PEMT: variants seen among roughly 807,000 people sequenced by gnomAD.
PEMT encodes phosphatidylethanolamine N-methyltransferase, also known as phospholipid methyltransferase.
Under a neutral mutation model 27.4 loss-of-function variants are expected in PEMT, and 23 were observed. That is an observed-to-expected ratio of 0.84 (90% CI 0.60 to 1.19). The LOEUF (loss-of-function observed/expected upper bound fraction) is 1.19. Ranked by LOEUF, PEMT falls within the 50% of genes most tolerant of loss-of-function variation. PEMT has a pLI of 0.00. For synonymous variants in PEMT, 137 were observed against 139.1 expected, an observed-to-expected ratio of 0.98 and a Z score of 0.11; for missense variants, 307 against 310.1, an observed-to-expected ratio of 0.99 and a Z score of 0.07.
chr17:17,523,142 C>A lies in PEMT; in HGVS notation c.205-747G>T, dbSNP rs1172941671. Among the ~76,000 whole-genome samples, 1 of 152,016 alleles carries A rather than the reference C, an allele frequency of 6.6e-6. No individual in the cohort carries two copies. Among genetic ancestry groups the A allele is most frequent in the African/African-American group, 2.4e-5 (1 of 41,368 alleles). On this transcript the variant is annotated intron_variant, in intron 2 of 6. Coordinates refer to ENST00000255389, the MANE Select transcript of PEMT (RefSeq NM_148172.3). The surrounding 1 kb of genome is among the most constrained non-coding windows in gnomAD (Gnocchi z 4.8). ...CTGGCCCAGCACACTGAGGAAGGAACGGAGAGGAGGGGAGGGGGCAAGGAG... is the reference window on the plus strand; with the variant it reads ...CTGGCCCAGCACACTGAGGAAGGAAAGGAGAGGAGGGGAGGGGGCAAGGAG...
At chr17:17,521,787 G>A (rs1020284931) in intron 3 of PEMT, among the ~76,000 whole-genome samples, 5 of 152,040 alleles carry the variant, frequency 3.3e-5, no homozygotes, top group African/African-American at 4.8e-5. Flanking sequence ...GGGTGGTCTC[G>A]AACTCCTAAC....
intron 3 of PEMT, among the ~76,000 whole-genome samples, chr17:17,520,759 G>T (rs1247853906): frequency 6.6e-6 from 1 of 152,264 alleles, no homozygotes; most frequent in African/African-American, 2.4e-5. Flanking sequence ...CAGGCCTAGA[G>T]AAAGCAGGCA....
Position 17,591,512 on chromosome 17 carries a change from G to C in PEMT, c.96+19C>G. On this transcript the variant is annotated intron_variant, in intron 1 of 6. Transcript: ENST00000255389. Reference sequence around the variant, plus strand: ...AGATCCCTCTCCCAGTTTCCGCGGCGGTCCGGTGCGGTCAGTACCTGTCTA... The same window carrying C: ...AGATCCCTCTCCCAGTTTCCGCGGCCGTCCGGTGCGGTCAGTACCTGTCTA... 1.3e-6 allele frequency: 2 copies of C among 1,585,458 alleles called. No individual in the cohort carries two copies. The highest frequency in any genetic ancestry group is 1.7e-6 in the Non-Finnish European group (2 of 1,157,248).
chr17:17,544,017 C>T (rs1189181062), intron 2 of PEMT, among the ~76,000 whole-genome samples: 5 of 152,152 alleles, frequency 3.3e-5, no homozygotes, highest in African/African-American at 9.7e-5. Flanking sequence ...CCTTGCTAGA[C>T]GTCTTAATGC....
intron 2 of PEMT, among the ~76,000 whole-genome samples, chr17:17,544,493 C>T (rs893624746): frequency 1.3e-5 from 2 of 152,042 alleles, no homozygotes; most frequent in Non-Finnish European, 2.9e-5. Context: ...GTTGGCCAGG[C>T]TGGTCTTGAA....
chr17:17,534,837 C>T (rs1001831410), intron 2 of PEMT, among the ~76,000 whole-genome samples: 14 of 152,168 alleles, frequency 9.2e-5, no homozygotes, highest in Non-Finnish European at 8.8e-5. Flanking sequence ...AAAGGCAACT[C>T]AAATTGTATG....
At chr17:17,522,211 G>A (rs373230584) in intron 3 of PEMT, 69 bp downstream of exon 3, 1 of 1,135,770 alleles carries the variant, frequency 8.8e-7, no homozygotes, top group East Asian at 2.4e-5. Flanking sequence ...TGAGGGATGA[G>A]GTACCACCAG....
rs1597937055 is a variant in PEMT at position 17,561,848 on chromosome 17, C to A, written c.204+15072G>T. Among the ~76,000 whole-genome samples the A allele has an allele frequency of 6.6e-6, 1 of 152,236 alleles. No homozygotes were observed. Among genetic ancestry groups the A allele is most frequent in the African/African-American group, 2.4e-5 (1 of 41,470 alleles). ...GTGGCTACCTCACGCGGACGCCCCA[C>A]GTGCGGCCTGACCCACAGGAAGTCC... On this transcript the variant is annotated intron_variant, in intron 2 of 6. Coordinates refer to ENST00000255389, the MANE Select transcript of PEMT (RefSeq NM_148172.3). This position sits in a 1 kb window ranked among gnomAD's most constrained non-coding sequence, Gnocchi z 4.5.
At chr17:17,509,677 G>T (rs777176568) in intron 4 of PEMT, 132 bp from the exon 5 acceptor site, 24 of 686,026 alleles carry the variant, frequency 3.5e-5, no homozygotes, top group Non-Finnish European at 5.5e-5. Flanking sequence ...GGAGACTTCA[G>T]AGAGTTCAAC....
chr17:17,586,623 C>T (rs767062938), intron 1 of PEMT, among the ~76,000 whole-genome samples: 21 of 152,130 alleles, frequency 1.4e-4, no homozygotes, highest in Non-Finnish European at 2.1e-4. Context: ...ACACATGAAA[C>T]CCTGTGGGAT....
At chr17:17,558,253 T>C (rs1567722901) in intron 2 of PEMT, among the ~76,000 whole-genome samples, 1 of 152,066 alleles carries the variant, frequency 6.6e-6, no homozygotes, top group African/African-American at 2.4e-5. Flanking sequence ...ATGCCTGCAA[T>C]CCCAGGGCTT....
chr17:17,567,893 C>G (rs1272567451), intron 2 of PEMT, among the ~76,000 whole-genome samples: 1 of 152,370 alleles, frequency 6.6e-6, no homozygotes, highest in East Asian at 1.9e-4. Flanking sequence ...GAGGACGACG[C>G]TTTCTGGTCC....
At chr17:17,588,634 C>T (rs757675011) in intron 1 of PEMT, among the ~76,000 whole-genome samples, 14 of 152,174 alleles carry the variant, frequency 9.2e-5, no homozygotes, top group Admixed American at 2.6e-4. Flanking sequence ...GCAGGTGATT[C>T]GCTATGGAAA....
intron 2 of PEMT, among the ~76,000 whole-genome samples, chr17:17,543,843 G>A (rs546398628): frequency 3.4e-4 from 52 of 152,340 alleles, no homozygotes; most frequent in African/African-American, 9.6e-4. Context: ...GATTACGGGC[G>A]TGAGCCACGG....
intron 3 of PEMT, among the ~76,000 whole-genome samples, chr17:17,516,615 C>T (rs70963026): frequency 1.3e-5 from 2 of 152,192 alleles, no homozygotes; most frequent in East Asian, 3.9e-4. Context: ...CCCAGGCTGA[C>T]ACCCACTCTC....
intron 2 of PEMT, among the ~76,000 whole-genome samples, chr17:17,539,554 G>C (rs902240054): frequency 6.6e-6 from 1 of 152,208 alleles, no homozygotes; most frequent in Non-Finnish European, 1.5e-5. Context: ...GGATTCTTTG[G>C]TGTGGACGTG....
In PEMT at chr17:17,558,682, G is replaced by GAAA. The variant is rs141641212; in HGVS notation, c.204+18235_204+18237dup. On this transcript the variant is annotated intron_variant, in intron 2 of 6. Coordinates refer to ENST00000255389, the MANE Select transcript of PEMT (RefSeq NM_148172.3). Reference sequence around the variant, plus strand: ...CAGGCAGAGTGAGAACCAGTCTCACGAAAAAAAAAAAAAAAAACAAAAAGA... The same window carrying GAAA: ...CAGGCAGAGTGAGAACCAGTCTCACGAAAAAAAAAAAAAAAAAAAACAAAAAGA... 1.6e-3 allele frequency among the ~76,000 whole-genome samples: 154 copies of GAAA among 95,530 alleles called. 5 individuals carry two copies. Among genetic ancestry groups the GAAA allele is most frequent in the African/African-American group, 5.3e-3 (143 of 27,022 alleles). The allele number at this position is 95,530 out of a possible 152,430, so 62.7% of individuals were successfully genotyped here.
In PEMT at chr17:17,539,501, G is replaced by T. The variant is rs148456980; in HGVS notation, c.205-17106C>A. 1.8e-3 allele frequency among the ~76,000 whole-genome samples: 279 copies of T among 152,338 alleles called. 2 individuals are homozygous for T. The highest frequency in any genetic ancestry group is 5.2e-3 in the Admixed American group (79 of 15,296). Reference sequence around the variant, plus strand: ...ATGATGCCTCTGCGATGCGCCCAGGGTGTCACATGTATCCCCAGCTTGTTC... The same window carrying T: ...ATGATGCCTCTGCGATGCGCCCAGGTTGTCACATGTATCCCCAGCTTGTTC... On this transcript the variant is annotated intron_variant, in intron 2 of 6. Coordinates refer to ENST00000255389, the MANE Select transcript of PEMT (RefSeq NM_148172.3).
At chr17:17,555,984 C>A (rs1397666898) in intron 2 of PEMT, among the ~76,000 whole-genome samples, 1 of 152,244 alleles carries the variant, frequency 6.6e-6, no homozygotes, top group Non-Finnish European at 1.5e-5. Flanking sequence ...AGGAAACATG[C>A]TCTGAGGCCT....
Sources: allele counts gnomAD v4.1 joint callset (sites outside exome capture counted in the v4.1 genomes callset), GRCh38; gene constraint gnomAD v4.1.1; non-coding constraint Gnocchi (gnomAD v3.1); transcripts MANE v1.5; gene names NCBI Gene and HGNC (gene_info 2026-07-23, HGNC 2026-07-21).